Variants in FLNB observed in about 807,000 individuals in gnomAD.
FLNB encodes filamin B.
In FLNB, 111 loss-of-function variants were observed where a neutral mutation model predicts 250.6. The ratio of observed to expected loss-of-function variants is 0.44; its 90% CI spans 0.38 to 0.52. FLNB has a LOEUF of 0.52. Ranked by LOEUF, FLNB falls within the 20% of genes least tolerant of loss-of-function variation. The probability of loss-of-function intolerance (pLI) is 0.00; values close to 1 mark genes in which losing one functional copy is unlikely to be tolerated. For missense variants in FLNB, 2,869 were observed against 3,447.8 expected (o/e 0.83, Z 4.20); for synonymous variants, 1,302 against 1,372.1 (o/e 0.95, Z 1.13).
At chr3:58,144,026 T>TGGAAGAAGAGGACCAGCAGCC in intron 32 of FLNB, among the ~76,000 whole-genome samples, 8 of 152,182 alleles carry the variant, frequency 5.3e-5, no homozygotes, top group African/African-American at 1.4e-4. Context: ...CCAGCAGCCC[T>TGGAAGAAGAGGACCAGCAGCC]CTACAAGGGA....
intron 1 of FLNB, among the ~76,000 whole-genome samples, chr3:58,023,232 G>A (rs1395196134): frequency 2.6e-5 from 4 of 151,036 alleles, no homozygotes; most frequent in African/African-American, 7.3e-5. Context: ...CCGAGTAGCT[G>A]GGACTACAGG....
At chr3:58,042,354 T>G (rs1178070295) in intron 1 of FLNB, among the ~76,000 whole-genome samples, 6 of 151,052 alleles carry the variant, frequency 4.0e-5, no homozygotes, top group Non-Finnish European at 8.8e-5. Flanking sequence ...GGTTTTTTTT[T>G]TTTTTTTTTT....
At chr3:58,012,905 TG>T (rs2097101094) in intron 1 of FLNB, among the ~76,000 whole-genome samples, 1 of 152,252 alleles carries the variant, frequency 6.6e-6, no homozygotes, top group South Asian at 2.1e-4. Context: ...TTTCAACAGC[TG>T]CCAGAGGACT....
chr3:58,067,343 C>A (rs2097187110), intron 1 of FLNB, among the ~76,000 whole-genome samples: 1 of 152,108 alleles, frequency 6.6e-6, no homozygotes, highest in South Asian at 2.1e-4. Context: ...TAACTGAACC[C>A]TTGACACAGT....
In FLNB at chr3:58,163,624, G is replaced by C. The variant is rs1575477424; in HGVS notation, c.7198+294G>C. ...TGACTTTCAGAACAGGATGCTGATA[G>C]TCAGGGAACACAGCACAGTGTCATT... On this transcript the variant is annotated intron_variant, in intron 43 of 45. Transcript: ENST00000295956. 1.6e-5 allele frequency: 7 copies of C among 450,464 alleles called. No homozygotes were observed. The East Asian group carries it at 3.1e-4, about 20-fold the overall frequency. The allele number at this position is 450,464 out of a possible 1,614,324, so 27.9% of individuals were successfully genotyped here.
intron 3 of FLNB, among the ~76,000 whole-genome samples, chr3:58,079,254 A>AG (rs1301702349): frequency 9.0e-6 from 1 of 111,700 alleles, no homozygotes; most frequent in South Asian, 2.6e-4. Flanking sequence ...CAGGACTTAA[A>AG]ATTTTTTTTT....
At position 58,077,077 on chromosome 3, in the gene FLNB, G is replaced by A. The variant is rs370232062; in HGVS notation, c.324G>A (p.Lys108=). ...AAGCCATTGTGGATGGGAACCTGAA[G>A]CTCATCTTGGGTCTGGTGTGGACGC... ...DSKAIVDGNL[K]LILGLVWTLI... The change falls in exon 2 of 46, where the codon AAG becomes AAA. Residue 108 remains lysine, a synonymous_variant. Coordinates refer to ENST00000295956, the MANE Select transcript of FLNB (RefSeq NM_001457.4). 1 of 1,614,170 alleles carries A rather than the reference G, an allele frequency of 6.2e-7. No homozygotes were observed. Among genetic ancestry groups the A allele is most frequent in the East Asian group, 2.2e-5 (1 of 44,872 alleles).
At chr3:58,132,784 T>A in intron 25 of FLNB, 24 bp from the exon 26 acceptor site, 1 of 1,614,044 alleles carries the variant, frequency 6.2e-7, no homozygotes, top group Non-Finnish European at 8.5e-7. Flanking sequence ...GGCAGCTCCT[T>A]AAACCTCTCA....
intron 40 of FLNB, among the ~76,000 whole-genome samples, chr3:58,155,692 AT>A (rs2097352279): frequency 6.6e-6 from 1 of 152,130 alleles, no homozygotes; most frequent in Non-Finnish European, 1.5e-5. Flanking sequence ...TTAAAACGTA[AT>A]TTTTTCCCCA....
Position 58,084,233 on chromosome 3 carries a change from A to C in FLNB, c.787+2457A>C, listed in dbSNP as rs145072289. The stretch of plus-strand genomic sequence containing the variant: ...AAGTGCTTTCTTTAAGGCATACCAC[A>C]GGTGGTGGCTGGAATGAGGAATCTC... On this transcript the variant is annotated intron_variant, in intron 4 of 45. Coordinates refer to ENST00000295956, the MANE Select transcript of FLNB (RefSeq NM_001457.4). Among the ~76,000 whole-genome samples, 13 of 152,096 alleles carry C rather than the reference A, an allele frequency of 8.5e-5. 1 individual carries two copies. In the East Asian group the frequency reaches 2.5e-3, roughly 29 times the overall value.
chr3:58,098,898 G>A lies in FLNB; in HGVS notation c.1335G>A (p.Gln445=). The A allele has an allele frequency of 1.2e-6, 2 of 1,613,892 alleles. No homozygotes were observed. Among genetic ancestry groups the A allele is most frequent in the Non-Finnish European group, 1.7e-6 (2 of 1,179,930 alleles). The change falls in exon 8 of 46, where the codon CAG becomes CAA. Residue 445 remains glutamine, a synonymous_variant. Coordinates refer to ENST00000295956, the MANE Select transcript of FLNB (RefSeq NM_001457.4). ...DTIPKSPFVV[Q]VGEACNPNAC... ...TTCCTAAGAGTCCCTTCGTTGTGCAGGTTGGGGAAGGTGAGTGCTGGGCTG... is the reference window on the plus strand; with the variant it reads ...TTCCTAAGAGTCCCTTCGTTGTGCAAGTTGGGGAAGGTGAGTGCTGGGCTG...
At chr3:58,033,539 A>G (rs2097133866) in intron 1 of FLNB, among the ~76,000 whole-genome samples, 1 of 152,048 alleles carries the variant, frequency 6.6e-6, no homozygotes, top group African/African-American at 2.4e-5. Flanking sequence ...TTACAGGCAC[A>G]TGCTATCATG....
chr3:58,141,528 C>T (rs2097326987), intron 29 of FLNB, among the ~76,000 whole-genome samples: 1 of 152,198 alleles, frequency 6.6e-6, no homozygotes, highest in South Asian at 2.1e-4. Context: ...AAATCCCTTC[C>T]AGATGGACAT....
intron 4 of FLNB, among the ~76,000 whole-genome samples, chr3:58,088,059 T>G (rs1004685751): frequency 1.7e-5 from 2 of 116,458 alleles, no homozygotes; most frequent in African/African-American, 7.0e-5. Flanking sequence ...TTTTTTTTTT[T>G]TGCTGAAGTT....
intron 18 of FLNB, among the ~76,000 whole-genome samples, chr3:58,113,555 T>C (rs1162217364): frequency 5.9e-5 from 9 of 152,198 alleles, no homozygotes; most frequent in Non-Finnish European, 1.3e-4. Flanking sequence ...GAATCCTTAC[T>C]GTGAGAACAT....
intron 3 of FLNB, among the ~76,000 whole-genome samples, chr3:58,079,847 T>C (rs2097206777): frequency 6.6e-6 from 1 of 152,216 alleles, no homozygotes; most frequent in Non-Finnish European, 1.5e-5. Flanking sequence ...ATGGGACTGA[T>C]GGCGTCACTA....
chr3:58,054,801 G>A (rs956627216), intron 1 of FLNB, among the ~76,000 whole-genome samples: 53 of 152,134 alleles, frequency 3.5e-4, no homozygotes, highest in Admixed American at 3.2e-3. Context: ...GTGGTGTGTA[G>A]GTGGGAAAAC....
At chr3:58,101,951 T>C (rs981868741) in intron 8 of FLNB, among the ~76,000 whole-genome samples, 2 of 152,246 alleles carry the variant, frequency 1.3e-5, no homozygotes, top group Admixed American at 6.5e-5. Flanking sequence ...ATGGATTTGC[T>C]GTGCTCTCCT....
chr3:58,013,286 A>G (rs1478482052), intron 1 of FLNB, among the ~76,000 whole-genome samples: 2 of 152,148 alleles, frequency 1.3e-5, no homozygotes, highest in Admixed American at 6.6e-5. Context: ...GTCTAACCCT[A>G]AAGTTTACTT....
Sources: allele counts gnomAD v4.1 joint callset (sites outside exome capture counted in the v4.1 genomes callset), GRCh38; gene constraint gnomAD v4.1.1; transcripts MANE v1.5; gene names NCBI Gene and HGNC (gene_info 2026-07-23, HGNC 2026-07-21).